The following OLA1 variants were observed in gnomAD, a reference collection of about 807,000 sequenced individuals.
The protein encoded by OLA1 is obg-like ATPase 1.
OLA1 carries 14 observed loss-of-function variants against 48.4 expected under a neutral mutation model. The ratio of observed to expected loss-of-function variants is 0.29; its 90% CI spans 0.19 to 0.45. OLA1 has a LOEUF of 0.45. Among genes scored for constraint, OLA1 ranks in the 20% least tolerant of loss-of-function variants. The pLI is 1.00. For missense variants in OLA1, 325 were observed against 467.1 expected (o/e 0.70, Z 2.80); for synonymous variants, 127 against 150.4 (o/e 0.84, Z 1.14).
At chr2:174,129,564 A>G (rs1686129443) in intron 5 of OLA1, among the ~76,000 whole-genome samples, 1 of 151,534 alleles carries the variant, frequency 6.6e-6, no homozygotes, top group Non-Finnish European at 1.5e-5. Context: ...TATAATATAT[A>G]TAAATAGACA....
chr2:174,120,199 G>A (rs1335797071), intron 7 of OLA1, among the ~76,000 whole-genome samples: 1 of 152,000 alleles, frequency 6.6e-6, no homozygotes, highest in Non-Finnish European at 1.5e-5. Flanking sequence ...GAGCAGCAAG[G>A]GTGCAAAGAT....
intron 5 of OLA1, among the ~76,000 whole-genome samples, chr2:174,129,863 T>A (rs1686137111): frequency 1.3e-5 from 2 of 152,186 alleles, no homozygotes; most frequent in Admixed American, 1.3e-4. Context: ...GACTCACTCT[T>A]ATTCTGTAAT....
intron 4 of OLA1, among the ~76,000 whole-genome samples, chr2:174,209,497 T>C (rs1688195167): frequency 6.6e-6 from 1 of 151,774 alleles, no homozygotes; most frequent in Admixed American, 6.6e-5. Context: ...GCACACAGAG[T>C]GGGCACATTG....
At chr2:174,195,979 C>G (rs1172504335) in intron 4 of OLA1, among the ~76,000 whole-genome samples, 1 of 151,970 alleles carries the variant, frequency 6.6e-6, no homozygotes, top group Non-Finnish European at 1.5e-5. Flanking sequence ...TTAACTTACT[C>G]AAATAAATTA....
At chr2:174,207,817 C>T (rs1301507136) in intron 4 of OLA1, among the ~76,000 whole-genome samples, 4 of 152,070 alleles carry the variant, frequency 2.6e-5, no homozygotes, top group Non-Finnish European at 1.5e-5. Flanking sequence ...TCTAACATTG[C>T]AAATATCACT....
chr2:174,155,306 G>T (rs1686848285), intron 4 of OLA1, among the ~76,000 whole-genome samples: 1 of 152,124 alleles, frequency 6.6e-6, no homozygotes. Context: ...ATGAATGAAA[G>T]AACGCCTCAA....
rs1684624246 is a variant in OLA1 at position 174,072,609 on chromosome 2, T to C, written c.*2817A>G. 1 of 152,156 alleles carries C rather than the reference T, an allele frequency of 6.6e-6. No homozygotes were observed. Among genetic ancestry groups the C allele is most frequent in the African/African-American group, 2.4e-5 (1 of 41,436 alleles). The allele number at this position is 152,156 out of a possible 1,614,324, so 9.4% of individuals were successfully genotyped here. On this transcript the variant is annotated 3_prime_UTR_variant, in exon 11 of 11. Coordinates refer to ENST00000284719, the MANE Select transcript of OLA1 (RefSeq NM_013341.5). ...CATCAAGTGAATTTAAGTAGACTAA[T>C]CAGAACAATAGAAGAGGCAGGAGGA...
At chr2:174,228,596 AT>A (rs1224217096) in intron 3 of OLA1, among the ~76,000 whole-genome samples, 3 of 152,174 alleles carry the variant, frequency 2.0e-5, no homozygotes, top group Non-Finnish European at 2.9e-5. Context: ...AGTTTTACTT[AT>A]TTTTTTAATT....
intron 4 of OLA1, among the ~76,000 whole-genome samples, chr2:174,193,230 T>C (rs1044422607): frequency 2.6e-5 from 4 of 152,020 alleles, no homozygotes; most frequent in Non-Finnish European, 4.4e-5. Flanking sequence ...GCTGGGATTA[T>C]AGGCATGCAC....
At chr2:174,227,246 AAAAAG>A (rs1292298672) in intron 3 of OLA1, among the ~76,000 whole-genome samples, 4 of 152,212 alleles carry the variant, frequency 2.6e-5, no homozygotes, top group African/African-American at 4.8e-5. Context: ...TCTCTATTTT[AAAAAG>A]AAAAGAAAAG....
At chr2:174,174,210 C>A (rs1687372200) in intron 4 of OLA1, among the ~76,000 whole-genome samples, 1 of 151,938 alleles carries the variant, frequency 6.6e-6, no homozygotes, top group African/African-American at 2.4e-5. Flanking sequence ...CTATCAAATT[C>A]AGACAAAAAT....
At chr2:174,136,651 C>G (rs2105376568) in intron 5 of OLA1, among the ~76,000 whole-genome samples, 1 of 151,996 alleles carries the variant, frequency 6.6e-6, no homozygotes, top group East Asian at 1.9e-4. Context: ...ATGTTTTGAC[C>G]TCTCATGAAT....
chr2:174,203,621 T>A (rs1416680352), intron 4 of OLA1, among the ~76,000 whole-genome samples: 1 of 151,054 alleles, frequency 6.6e-6, no homozygotes, highest in Non-Finnish European at 1.5e-5. Context: ...TTAGAAACAG[T>A]TCTATTCTCG....
intron 5 of OLA1, among the ~76,000 whole-genome samples, chr2:174,132,460 CTTATT>C (rs1289271592): frequency 5.3e-5 from 8 of 151,812 alleles, no homozygotes; most frequent in Admixed American, 5.2e-4. Flanking sequence ...TTCACCTTTC[CTTATT>C]TTGAGACATA....
intron 4 of OLA1, among the ~76,000 whole-genome samples, chr2:174,198,947 C>T (rs1426300665): frequency 6.6e-6 from 1 of 152,094 alleles, no homozygotes; most frequent in Non-Finnish European, 1.5e-5. Flanking sequence ...TCATATTGTA[C>T]TTGGTCAATG....
intron 4 of OLA1, among the ~76,000 whole-genome samples, chr2:174,142,644 A>G (rs1206954066): frequency 6.6e-6 from 1 of 152,210 alleles, no homozygotes; most frequent in African/African-American, 2.4e-5. Context: ...ATTATCACAT[A>G]TTTAAAGTGC....
intron 4 of OLA1, among the ~76,000 whole-genome samples, chr2:174,215,279 G>A (rs911145862): frequency 6.6e-6 from 1 of 152,058 alleles, no homozygotes; most frequent in African/African-American, 2.4e-5. Flanking sequence ...TGTAAACCCA[G>A]AATGTTACGT....
chr2:174,164,044 T>C (rs999184914), intron 4 of OLA1, among the ~76,000 whole-genome samples: 46 of 151,582 alleles, frequency 3.0e-4, no homozygotes, highest in Non-Finnish European at 4.4e-5. Context: ...CTTGTGATAG[T>C]GAGTTCACAC....
intron 1 of OLA1, chr2:174,247,709 G>A (rs1026530088): frequency 6.4e-7 from 1 of 1,551,062 alleles, no homozygotes; most frequent in Non-Finnish European, 8.7e-7. Flanking sequence ...TCCCACCTTT[G>A]GCACTGAAGG....
Sources: allele counts gnomAD v4.1 joint callset (sites outside exome capture counted in the v4.1 genomes callset), GRCh38; gene constraint gnomAD v4.1.1; transcripts MANE v1.5; gene names NCBI Gene and HGNC (gene_info 2026-07-23, HGNC 2026-07-21).